Variants in UBTD1 observed in about 807,000 individuals in gnomAD.
UBTD1 encodes the protein ubiquitin domain-containing protein 1.
Under a neutral mutation model 21.7 loss-of-function variants are expected in UBTD1, and 19 were observed. The ratio of observed to expected loss-of-function variants is 0.87; its 90% CI spans 0.61 to 1.28. The LOEUF (loss-of-function observed/expected upper bound fraction) is 1.28. Ranked by LOEUF, UBTD1 falls within the 50% of genes most tolerant of loss-of-function variation. The probability of loss-of-function intolerance (pLI) is 0.00; values close to 1 mark genes in which losing one functional copy is unlikely to be tolerated. For synonymous variants in UBTD1, 116 were observed against 135.1 expected (o/e 0.86, Z 0.98); for missense variants, 282 against 315.1 (o/e 0.89, Z 0.80).
At chr10:97,523,683 C>T (rs770073752) in intron 1 of UBTD1, among the ~76,000 whole-genome samples, 97 of 152,082 alleles carry the variant, frequency 6.4e-4, no homozygotes, top group Admixed American at 1.3e-3. Flanking sequence ...ATGATTTGGG[C>T]ACCTGGGGGC....
intron 1 of UBTD1, among the ~76,000 whole-genome samples, chr10:97,552,960 T>C (rs2040647272): frequency 6.6e-6 from 1 of 152,238 alleles, no homozygotes; most frequent in Non-Finnish European, 1.5e-5. Flanking sequence ...CACCACACAC[T>C]TGTGATTATT....
At chr10:97,542,091 C>G (rs959342596) in intron 1 of UBTD1, among the ~76,000 whole-genome samples, 1 of 152,318 alleles carries the variant, frequency 6.6e-6, no homozygotes, top group African/African-American at 2.4e-5. Flanking sequence ...GAGTTGTCTT[C>G]CCTCCCAGCT....
At chr10:97,508,845 C>T (rs2040409707) in intron 1 of UBTD1, among the ~76,000 whole-genome samples, 1 of 152,054 alleles carries the variant, frequency 6.6e-6, no homozygotes, top group Non-Finnish European at 1.5e-5. Context: ...AGAATCTCAG[C>T]CAAGATTGTG....
At chr10:97,529,449 G>A (rs1393950867) in intron 1 of UBTD1, among the ~76,000 whole-genome samples, 6 of 152,186 alleles carry the variant, frequency 3.9e-5, no homozygotes, top group South Asian at 2.1e-4. Context: ...CCGAGATCAC[G>A]CCGCTGCACT....
At chr10:97,508,561 T>C (rs2040408623) in intron 1 of UBTD1, among the ~76,000 whole-genome samples, 2 of 152,196 alleles carry the variant, frequency 1.3e-5, no homozygotes, top group South Asian at 2.1e-4. Context: ...GCTCGTTCCA[T>C]TGTGCTGTGA....
At chr10:97,558,640 A>AT (rs75506822) in intron 1 of UBTD1, among the ~76,000 whole-genome samples, 10,791 of 143,730 alleles carry the variant, frequency 0.075, 1,038 homozygotes, top group African/African-American at 0.23. Flanking sequence ...GCCGACATGA[A>AT]TTTTTTTTTT....
intron 1 of UBTD1, among the ~76,000 whole-genome samples, chr10:97,530,899 C>T (rs7921253): frequency 0.73 from 110,316 of 151,628 alleles, 41,213 homozygotes; most frequent in Non-Finnish European, 0.83. Flanking sequence ...AAATTTTTTA[C>T]TTTTTTGAGA....
At chr10:97,553,122 CT>C (rs1314327685) in intron 1 of UBTD1, among the ~76,000 whole-genome samples, 1 of 152,160 alleles carries the variant, frequency 6.6e-6, no homozygotes, top group African/African-American at 2.4e-5. Flanking sequence ...CATACAGTAT[CT>C]TTTTGTTTTT....
At chr10:97,516,948 G>A (rs747924034) in intron 1 of UBTD1, among the ~76,000 whole-genome samples, 1 of 152,130 alleles carries the variant, frequency 6.6e-6, no homozygotes, top group African/African-American at 2.4e-5. Flanking sequence ...TGCTGACTGC[G>A]GGGCAGGGCC....
At chr10:97,528,722 T>A in intron 1 of UBTD1, among the ~76,000 whole-genome samples, 1 of 36,896 alleles carries the variant, frequency 2.7e-5, no homozygotes, top group Admixed American at 3.0e-4. Flanking sequence ...GGCGGGGGGC[T>A]GACCCCCCCC....
chr10:97,523,536 AG>A (rs2040475277), intron 1 of UBTD1, among the ~76,000 whole-genome samples: 1 of 152,074 alleles, frequency 6.6e-6, no homozygotes, highest in Non-Finnish European at 1.5e-5. Context: ...GCCTGTCTGC[AG>A]GGCCTGTCTT....
intron 1 of UBTD1, among the ~76,000 whole-genome samples, chr10:97,534,333 C>T (rs987833726): frequency 6.6e-6 from 1 of 152,228 alleles, no homozygotes; most frequent in Admixed American, 6.5e-5. Context: ...CAGCCCTGCC[C>T]TTACAGCTTG....
intron 1 of UBTD1, among the ~76,000 whole-genome samples, chr10:97,522,876 A>G (rs1285060429): frequency 6.6e-6 from 1 of 152,194 alleles, no homozygotes; most frequent in African/African-American, 2.4e-5. Context: ...CCATAGCTGC[A>G]GGGCCAGGGC....
At chr10:97,529,714 C>G (rs1212323360) in intron 1 of UBTD1, among the ~76,000 whole-genome samples, 6 of 151,458 alleles carry the variant, frequency 4.0e-5, no homozygotes, top group Non-Finnish European at 8.8e-5. Context: ...AGCTTCGGCT[C>G]GGCATGAGAG....
At chr10:97,501,642 T>C (rs1156648509) in intron 1 of UBTD1, among the ~76,000 whole-genome samples, 1 of 152,158 alleles carries the variant, frequency 6.6e-6, no homozygotes, top group Non-Finnish European at 1.5e-5. Context: ...CCTTTCTGCA[T>C]TTTCCCACTC....
At chr10:97,515,811 C>G (rs1482893814) in intron 1 of UBTD1, among the ~76,000 whole-genome samples, 1 of 152,148 alleles carries the variant, frequency 6.6e-6, no homozygotes, top group Non-Finnish European at 1.5e-5. Flanking sequence ...ACATCTCTAC[C>G]CTCAGTCTAC....
intron 2 of UBTD1, among the ~76,000 whole-genome samples, chr10:97,569,538 C>A (rs1404035626): frequency 1.3e-5 from 2 of 152,234 alleles, no homozygotes; most frequent in African/African-American, 4.8e-5. Flanking sequence ...CTAGGGAGAT[C>A]TGACTGTGGG....
At chr10:97,525,519 A>C (rs2040484566) in intron 1 of UBTD1, among the ~76,000 whole-genome samples, 1 of 152,300 alleles carries the variant, frequency 6.6e-6, no homozygotes, top group South Asian at 2.1e-4. Flanking sequence ...GGAGACTTGG[A>C]AGCTCATGGA....
At chr10:97,501,483 A>T (rs1250466521) in intron 1 of UBTD1, among the ~76,000 whole-genome samples, 1 of 152,110 alleles carries the variant, frequency 6.6e-6, no homozygotes, top group Admixed American at 6.6e-5. Flanking sequence ...CCAGCTACTC[A>T]GGAGGCTGAG....
Sources: allele counts gnomAD v4.1 joint callset (sites outside exome capture counted in the v4.1 genomes callset), GRCh38; gene constraint gnomAD v4.1.1; transcripts MANE v1.5; gene names NCBI Gene and HGNC (gene_info 2026-07-23, HGNC 2026-07-21).